Variants in COL9A1 observed in about 807,000 individuals in gnomAD.
COL9A1 encodes collagen alpha-1(IX) chain.
COL9A1 carries 104 observed loss-of-function variants against 142.6 expected under a neutral mutation model. The ratio of observed to expected loss-of-function variants is 0.73; its 90% CI spans 0.62 to 0.86. The LOEUF (loss-of-function observed/expected upper bound fraction) is 0.86, where lower values mean the gene tolerates loss of function less well. Among genes scored for constraint, COL9A1 ranks in the 40% least tolerant of loss-of-function variants. The pLI, the probability that COL9A1 is intolerant of heterozygous loss-of-function variation, is 0.00. For missense variants in COL9A1, 1,210 were observed against 1,176.6 expected, an observed-to-expected ratio of 1.03 and a Z score of -0.42; for synonymous variants, 466 against 396.0, an observed-to-expected ratio of 1.18 and a Z score of -2.10.
At chr6:70,220,911 C>T (rs1350867472) in intron 37 of COL9A1, among the ~76,000 whole-genome samples, 1 of 152,026 alleles carries the variant, frequency 6.6e-6, no homozygotes, top group Admixed American at 6.5e-5. Context: ...ATGTCAAGGA[C>T]CTATAAATAT....
intron 36 of COL9A1, among the ~76,000 whole-genome samples, chr6:70,228,454 T>C (rs948837822): frequency 3.3e-5 from 5 of 152,164 alleles, no homozygotes; most frequent in Non-Finnish European, 7.4e-5. Context: ...TATTCTACTA[T>C]GCTGTTAGAA....
At chr6:70,242,259 G>A in intron 29 of COL9A1, 2 of 600,512 alleles carry the variant, frequency 3.3e-6, no homozygotes, top group Non-Finnish European at 6.0e-6. Context: ...AGTTCCCCTT[G>A]CACTCCTTGG....
intron 25 of COL9A1, among the ~76,000 whole-genome samples, chr6:70,253,962 T>G (rs1771109554): frequency 6.6e-6 from 1 of 152,204 alleles, no homozygotes; most frequent in African/African-American, 2.4e-5. Flanking sequence ...CAAGTATTCT[T>G]TATTAATTAG....
chr6:70,285,201 A>G (rs990924110), intron 5 of COL9A1, among the ~76,000 whole-genome samples: 2 of 152,266 alleles, frequency 1.3e-5, no homozygotes, highest in African/African-American at 4.8e-5. Flanking sequence ...ATTGTGGCAC[A>G]GGATAATGGG....
At chr6:70,285,011 A>G (rs962235454) in intron 5 of COL9A1, among the ~76,000 whole-genome samples, 5 of 152,208 alleles carry the variant, frequency 3.3e-5, no homozygotes, top group African/African-American at 9.7e-5. Flanking sequence ...CTTCCTACCC[A>G]CAGAGGAAGG....
intron 15 of COL9A1, 150 bp from the exon 16 acceptor site, chr6:70,269,815 T>C (rs1007321963): frequency 1.2e-5 from 7 of 608,588 alleles, no homozygotes; most frequent in Non-Finnish European, 2.1e-5. Flanking sequence ...TCTAAAATCC[T>C]GACTCATGGG....
At chr6:70,234,459 C>T in intron 35 of COL9A1, 80 bp downstream of exon 35, 1 of 1,416,894 alleles carries the variant, frequency 7.1e-7, no homozygotes, top group Admixed American at 1.7e-5. Flanking sequence ...CTCTTGTTTA[C>T]CCTTGTGTAT....
chr6:70,265,668 C>A (rs1771965840), intron 18 of COL9A1, among the ~76,000 whole-genome samples: 1 of 151,866 alleles, frequency 6.6e-6, no homozygotes, highest in Non-Finnish European at 1.5e-5. Flanking sequence ...CTATTTTCTC[C>A]AATTTGACAT....
At chr6:70,272,129 T>C (rs1199187446) in intron 12 of COL9A1, 41 bp from the exon 13 acceptor site, 3 of 1,545,556 alleles carry the variant, frequency 1.9e-6, no homozygotes, top group African/African-American at 2.7e-5. Flanking sequence ...TTGAGGTTTA[T>C]ACTTAGTATA....
intron 37 of COL9A1, among the ~76,000 whole-genome samples, chr6:70,219,677 G>A (rs867047347): frequency 1.3e-5 from 2 of 152,190 alleles, no homozygotes; most frequent in Non-Finnish European, 2.9e-5. Context: ...AAGTGGATGC[G>A]GGCAGCAGCT....
chr6:70,227,493 A>C lies in COL9A1; in HGVS notation c.2504-1484T>G, dbSNP rs187672263. On this transcript the variant is annotated intron_variant, in intron 36 of 37. Coordinates refer to ENST00000357250, the MANE Select transcript of COL9A1 (RefSeq NM_001851.6). ...AAGATCGGCAAAAATTCCAAAGTTCAATTAAAGATATACTAGCAAGTCTGT... is the reference window on the plus strand; with the variant it reads ...AAGATCGGCAAAAATTCCAAAGTTCCATTAAAGATATACTAGCAAGTCTGT... Among the ~76,000 whole-genome samples, 14 of 150,958 alleles carry C rather than the reference A, an allele frequency of 9.3e-5. No individual in the cohort carries two copies. In the East Asian group the frequency reaches 2.3e-3, roughly 25 times the overall value.
rs1323761423 is a variant in COL9A1 at position 70,246,710 on chromosome 6, C to T, written c.1873-3995G>A. Among the ~76,000 whole-genome samples, 7 of 152,286 alleles carry T rather than the reference C, an allele frequency of 4.6e-5. No individual in the cohort carries two copies. In the South Asian group the frequency reaches 6.2e-4, roughly 14 times the overall value. On this transcript the variant is annotated intron_variant, in intron 28 of 37. Coordinates refer to ENST00000357250, the MANE Select transcript of COL9A1 (RefSeq NM_001851.6). ...TAAATTTTAAATAATTTGCTAGATA[C>T]GTCTTGTAACATCAGCATTTAGCCA...
chr6:70,257,414 A>G (rs1771389188), intron 20 of COL9A1, among the ~76,000 whole-genome samples: 1 of 152,152 alleles, frequency 6.6e-6, no homozygotes, highest in Non-Finnish European at 1.5e-5. Context: ...GACATGAGCT[A>G]AAAACACAGG....
At chr6:70,241,283 C>T in intron 31 of COL9A1, 136 bp downstream of exon 31, 2 of 756,330 alleles carry the variant, frequency 2.6e-6, no homozygotes, top group Non-Finnish European at 4.8e-6. Flanking sequence ...CCAGGTTTCA[C>T]TCACTATGAA....
In COL9A1 at chr6:70,280,671, G is replaced by T. The variant is rs977668351; in HGVS notation, c.975+141C>A. ...CTGCCAGTTCCACGATCAATCAGGC[G>T]CTGGCAGGAGGCCAAGTTTAGAGCC... is the stretch of plus-strand genomic sequence containing the variant. On this transcript the variant is annotated intron_variant, in intron 10 of 37. Transcript: ENST00000357250. 8.5e-6 allele frequency: 11 copies of T among 1,295,126 alleles called. No homozygotes were observed. In the Admixed American group the frequency reaches 1.3e-4, roughly 15 times the overall value. The allele number at this position is 1,295,126 out of a possible 1,614,324, so 80.2% of individuals were successfully genotyped here.
chr6:70,242,503 C>A (rs1384566036), intron 29 of COL9A1, among the ~76,000 whole-genome samples, 159 bp downstream of exon 29: 1 of 152,218 alleles, frequency 6.6e-6, no homozygotes, highest in East Asian at 1.9e-4. Context: ...GGGTATCCTA[C>A]CCATAATTTG....
chr6:70,269,505 T>C, intron 16 of COL9A1, 128 bp downstream of exon 16: 1 of 710,356 alleles, frequency 1.4e-6, no homozygotes, highest in Admixed American at 2.1e-5. Flanking sequence ...CAGACTGCTC[T>C]GCCATTTGAG....
At chr6:70,223,245 C>T (rs1037213407) in intron 37 of COL9A1, among the ~76,000 whole-genome samples, 2 of 152,126 alleles carry the variant, frequency 1.3e-5, no homozygotes, top group African/African-American at 4.8e-5. Context: ...AAAAAGTGGA[C>T]TTGATATATT....
chr6:70,243,265 T>C (rs1312074214), intron 28 of COL9A1, among the ~76,000 whole-genome samples: 1 of 152,242 alleles, frequency 6.6e-6, no homozygotes, highest in Non-Finnish European at 1.5e-5. Flanking sequence ...AAAAATTTTT[T>C]TCTTCTACTC....
Sources: gnomAD v4.1 joint callset for allele counts (sites outside exome capture counted in the v4.1 genomes callset) on GRCh38, gnomAD v4.1.1 for gene constraint, MANE v1.5 for transcripts, NCBI Gene and HGNC (gene_info 2026-07-23, HGNC 2026-07-21) for gene names.